FAM220A: variants seen among roughly 807,000 people sequenced by gnomAD.
The protein encoded by FAM220A is family with sequence similarity 220 member A.
For missense variants in FAM220A, 392 were observed against 321.6 expected (o/e 1.22, Z -1.68); for synonymous variants, 141 against 130.7 (o/e 1.08, Z -0.54).
rs543021363 is a variant in FAM220A, at chr7:6,330,258, G to A, written c.*117C>T. ...CAATTTACTTTAAGTCTGCCAGGTC[G>A]TACAAAACTACAGCAGGAACCTAAG... On this transcript the variant is annotated 3_prime_UTR_variant, in exon 2 of 2. Coordinates refer to ENST00000313324, the MANE Select transcript of FAM220A (RefSeq NM_001037163.2). The A allele has an allele frequency of 6.1e-4, 616 of 1,011,974 alleles. No individual in the cohort carries two copies. Among genetic ancestry groups the A allele is most frequent in the Non-Finnish European group, 8.2e-4 (567 of 694,964 alleles). 62.7% of individuals were successfully genotyped at this position (1,011,974 alleles called of 1,614,324 possible).
At chr7:6,332,084 C>A (rs1029919353) in intron 1 of FAM220A, among the ~76,000 whole-genome samples, 8 of 149,436 alleles carry the variant, frequency 5.4e-5, no homozygotes, top group East Asian at 2.0e-4. Flanking sequence ...TGCACTCCAG[C>A]CTGGGCGACA....
chr7:6,341,612 C>A (rs1443791658), intron 1 of FAM220A, among the ~76,000 whole-genome samples: 2 of 145,758 alleles, frequency 1.4e-5, no homozygotes, highest in African/African-American at 5.1e-5. Flanking sequence ...ATGGCGTGAA[C>A]CCAGGAGGTG....
chr7:6,343,639 C>T (rs925448403), intron 1 of FAM220A, among the ~76,000 whole-genome samples: 1 of 151,790 alleles, frequency 6.6e-6, no homozygotes, highest in African/African-American at 2.4e-5. Context: ...ATGCTAAGAA[C>T]TCCAGGAGAT....
At chr7:6,342,974 C>T (rs1203745652) in intron 1 of FAM220A, among the ~76,000 whole-genome samples, 1 of 150,898 alleles carries the variant, frequency 6.6e-6, no homozygotes, top group East Asian at 2.0e-4. Flanking sequence ...GAGCTGGAGG[C>T]TGTAGTGAGC....
intron 1 of FAM220A, among the ~76,000 whole-genome samples, chr7:6,336,259 G>C (rs1339622864): frequency 1.3e-5 from 2 of 151,856 alleles, no homozygotes; most frequent in Non-Finnish European, 2.9e-5. Context: ...GGTAGGAGAG[G>C]ACTGCTTGAG....
chr7:6,330,783 A>G lies in FAM220A; in HGVS notation c.372T>C (p.Ala124=). Reference sequence around the variant, plus strand: ...CTCCCAGCCAGTCTCGCCGCCCCAGAGCTTCAACACCACTGCAGGACACCC... The same window carrying G: ...CTCCCAGCCAGTCTCGCCGCCCCAGGGCTTCAACACCACTGCAGGACACCC... ...FARVSCSGVE[A]LGRRDWLGGG... The change falls in exon 2 of 2, where the codon GCT becomes GCC. Residue 124 remains alanine, a synonymous_variant. Coordinates refer to ENST00000313324, the MANE Select transcript of FAM220A (RefSeq NM_001037163.2). 6.2e-7 allele frequency: 1 copy of G among 1,614,086 alleles called. No homozygotes were observed. Among genetic ancestry groups the G allele is most frequent in the Non-Finnish European group, 8.5e-7 (1 of 1,180,020 alleles).
Position 6,343,157 on chromosome 7 carries a change from C to T in FAM220A, c.-82+5416G>A, listed in dbSNP as rs1781895294. On this transcript the variant is annotated intron_variant, in intron 1 of 1. Coordinates refer to ENST00000313324, the MANE Select transcript of FAM220A (RefSeq NM_001037163.2). ...CTTGGGAGGCCGAGGAGGGTGGATCCCCTGAGGTCAGGAGTTCAAGACCAG... is the reference window on the plus strand; with the variant it reads ...CTTGGGAGGCCGAGGAGGGTGGATCTCCTGAGGTCAGGAGTTCAAGACCAG... 2.0e-5 allele frequency among the ~76,000 whole-genome samples: 3 copies of T among 151,188 alleles called. No homozygotes were observed. In the East Asian group the frequency reaches 5.8e-4, roughly 29 times the overall value.
At chr7:6,342,412 G>A (rs1473294745) in intron 1 of FAM220A, among the ~76,000 whole-genome samples, 1 of 151,974 alleles carries the variant, frequency 6.6e-6, no homozygotes, top group Non-Finnish European at 1.5e-5. Context: ...GGGCATGGTG[G>A]TAGGCACCTG....
At position 6,330,486 on chromosome 7, in the gene FAM220A, T is replaced by G; in HGVS notation, c.669A>C (p.Gln223His). Residue 223 changes from glutamine (Q) to histidine (H), a missense_variant, in exon 2 of 2, where the codon CAA becomes CAC. Transcript: ENST00000313324. ...TAAGCATTTTCTTGAATTCTATTGTTTGCTTTGAAAACATGGGCTTTAAAC... is the reference window on the plus strand; with the variant it reads ...TAAGCATTTTCTTGAATTCTATTGTGTGCTTTGAAAACATGGGCTTTAAAC... ...LDRLKPMFSK[Q>H]TIEFKKMLKS... 6.2e-7 allele frequency: 1 copy of G among 1,614,178 alleles called. No individual in the cohort carries two copies. Among genetic ancestry groups the G allele is most frequent in the Admixed American group, 1.7e-5 (1 of 59,990 alleles).
intron 1 of FAM220A, chr7:6,342,094 CTACGCCA>C (rs1438116804): frequency 6.6e-6 from 1 of 152,118 alleles, no homozygotes; most frequent in Non-Finnish European, 1.5e-5. Context: ...AGAACCTACC[CTACGCCA>C]GGTGCCAGGT....
In FAM220A at chr7:6,348,815, C is replaced by G. The variant is rs565322524; in HGVS notation, c.-324G>C. The G allele has an allele frequency of 5.6e-3, 2,225 of 395,370 alleles. 46 individuals carry two copies. Among genetic ancestry groups the G allele is most frequent in the African/African-American group, 0.042 (2,054 of 48,512 alleles). The allele number at this position is 395,370 out of a possible 1,614,324, so 24.5% of individuals were successfully genotyped here. ...CCGCCCTCTCCGCGCCGCGTCGCCC[C>G]GGCAGCTGACCCTCGCCTGGCGTGC... On this transcript the variant is annotated 5_prime_UTR_variant, in exon 1 of 2. Coordinates refer to ENST00000313324, the MANE Select transcript of FAM220A (RefSeq NM_001037163.2).
At chr7:6,338,911 C>G (rs80107498) in intron 1 of FAM220A, among the ~76,000 whole-genome samples, 1 of 152,120 alleles carries the variant, frequency 6.6e-6, no homozygotes. Flanking sequence ...GAGGGACTGC[C>G]GCACGCAAGG....
intron 1 of FAM220A, among the ~76,000 whole-genome samples, chr7:6,336,635 G>T (rs1383413336): frequency 6.6e-6 from 1 of 150,718 alleles, no homozygotes. Context: ...CGTGAGCCAA[G>T]ATGGCACCAC....
intron 1 of FAM220A, among the ~76,000 whole-genome samples, chr7:6,333,672 T>C (rs1227344638): frequency 6.6e-6 from 1 of 151,330 alleles, no homozygotes; most frequent in Non-Finnish European, 1.5e-5. Context: ...CAAATTTTTT[T>C]TTTTTCAGAG....
chr7:6,338,150 C>T (rs1197359270), intron 1 of FAM220A, among the ~76,000 whole-genome samples: 1 of 152,160 alleles, frequency 6.6e-6, no homozygotes, highest in Non-Finnish European at 1.5e-5. Flanking sequence ...GCTCACAGCC[C>T]TCAACTAACC....
intron 1 of FAM220A, among the ~76,000 whole-genome samples, chr7:6,333,062 C>T (rs191604312): frequency 2.6e-4 from 39 of 150,932 alleles, no homozygotes; most frequent in East Asian, 2.0e-3. Context: ...GAGGCTGAAG[C>T]GAGAGAATTG....
chr7:6,336,264 C>G (rs1236221012), intron 1 of FAM220A, among the ~76,000 whole-genome samples: 1 of 151,902 alleles, frequency 6.6e-6, no homozygotes, highest in East Asian at 1.9e-4. Flanking sequence ...GAGAGGACTG[C>G]TTGAGCCTAG....
rs1781619148 is a variant in FAM220A, at chr7:6,330,913, G to A, written c.242C>T (p.Pro81Leu). The part of the protein sequence containing the change: ...GAGLWLHSGG[P>L]VLPYVRESVR... ...TGATTCTCTCACATATGGAAGCACT[G>A]GGCCGCCACTGTGAAGCCAGAGGCC... is the stretch of plus-strand genomic sequence containing the variant. Residue 81 changes from proline to leucine, a missense_variant, in exon 2 of 2, where the codon CCA (proline) becomes CTA (leucine). Physicochemically the swap from Pro to Leu is moderately conservative, Grantham distance 98. Coordinates refer to ENST00000313324, the MANE Select transcript of FAM220A (RefSeq NM_001037163.2). 1.2e-6 allele frequency: 2 copies of A among 1,614,206 alleles called. No homozygotes were observed. Among genetic ancestry groups the A allele is most frequent in the East Asian group, 2.2e-5 (1 of 44,886 alleles).
chr7:6,342,042 T>C (rs1363776402), intron 1 of FAM220A: 4 of 152,032 alleles, frequency 2.6e-5, no homozygotes, highest in Non-Finnish European at 5.9e-5. Context: ...TTCAAGATTC[T>C]AAAGATTTTC....
Sources: gnomAD v4.1 joint callset for allele counts (sites outside exome capture counted in the v4.1 genomes callset) on GRCh38, gnomAD v4.1.1 for gene constraint, MANE v1.5 for transcripts, NCBI Gene and HGNC (gene_info 2026-07-23, HGNC 2026-07-21) for gene names.